The following AVEN variants were observed in gnomAD, a reference collection of about 807,000 sequenced individuals.
AVEN encodes cell death regulator Aven.
AVEN carries 41 observed loss-of-function variants against 38.1 expected under a neutral mutation model. That is an observed-to-expected ratio of 1.08 (90% CI 0.84 to 1.40). The LOEUF (loss-of-function observed/expected upper bound fraction) is 1.40, where lower values mean the gene tolerates loss of function less well. Among genes scored for constraint, AVEN ranks in the 40% most tolerant of loss-of-function variants. The pLI is 0.00. For synonymous variants in AVEN, 206 were observed against 171.8 expected (o/e 1.20, Z -1.56); for missense variants, 605 against 438.8 (o/e 1.38, Z -3.38).
At position 33,997,898 on chromosome 15, in the gene AVEN, G is replaced by A. The variant is rs550269147; in HGVS notation, c.445+5134C>T. Among the ~76,000 whole-genome samples, 3 of 152,228 alleles carry A rather than the reference G, an allele frequency of 2.0e-5. No homozygotes were observed. The South Asian group carries it at 6.2e-4, about 32-fold the overall frequency. ...ATACCTGTTCTCACCTTAAATTTAT[G>A]AATACCAACTTCATGTGGGCCCCTA... On this transcript the variant is annotated intron_variant, in intron 2 of 5. Coordinates refer to ENST00000306730, the MANE Select transcript of AVEN (RefSeq NM_020371.3).
chr15:33,859,332 G>T (rs776544509), intron 11 of AVEN, among the ~76,000 whole-genome samples: 2 of 152,184 alleles, frequency 1.3e-5, no homozygotes, highest in Non-Finnish European at 2.9e-5. Context: ...CACCTTTAAT[G>T]GGCCTAAAAA....
rs1400080002 is a variant in AVEN, at chr15:33,983,198, GTGTATA to G, written c.445+19828_445+19833del. On this transcript the variant is annotated intron_variant, in intron 2 of 5. Coordinates refer to ENST00000306730, the MANE Select transcript of AVEN (RefSeq NM_020371.3). ...TATATACACACGTGTGTGTATGTGTGTGTATATATATATATACATATATATACACAC... is the reference window on the plus strand; with the variant it reads ...TATATACACACGTGTGTGTATGTGTGTATATATATACATATATATACACAC... Among the ~76,000 whole-genome samples the G allele has an allele frequency of 2.9e-3, 133 of 45,316 alleles. 2 individuals carry two copies. The East Asian group carries it at 0.11, about 37-fold the overall frequency. The allele number at this position is 45,316 out of a possible 152,430, so 29.7% of individuals were successfully genotyped here. A position where few individuals can be genotyped will look rare whatever the true frequency, so the allele number is the denominator to read the frequency against.
At chr15:33,948,310 T>G (rs773589487) in intron 2 of AVEN, among the ~76,000 whole-genome samples, 4 of 151,678 alleles carry the variant, frequency 2.6e-5, no homozygotes, top group Non-Finnish European at 5.9e-5. Context: ...TTGGCCAGGC[T>G]GGTCTTGAAC....
chr15:34,057,546 C>T (rs988032198), intron 5 of AVEN, among the ~76,000 whole-genome samples: 24 of 152,316 alleles, frequency 1.6e-4, no homozygotes, highest in African/African-American at 5.1e-4. Context: ...TCATTTAATA[C>T]TTAAAACAAT....
chr15:34,023,241 C>T (rs1389150113), intron 1 of AVEN, among the ~76,000 whole-genome samples: 1 of 152,058 alleles, frequency 6.6e-6, no homozygotes, highest in Non-Finnish European at 1.5e-5. Context: ...ACTCAGGTTG[C>T]TACTCCAGGC....
chr15:33,985,735 A>G (rs2075249789), intron 2 of AVEN, among the ~76,000 whole-genome samples: 1 of 152,140 alleles, frequency 6.6e-6, no homozygotes, highest in Admixed American at 6.5e-5. Flanking sequence ...TAAGCTAGAA[A>G]TCTTGAGTTT....
chr15:33,995,230 C>T (rs925225966), intron 2 of AVEN, among the ~76,000 whole-genome samples: 1 of 152,094 alleles, frequency 6.6e-6, no homozygotes, highest in Admixed American at 6.6e-5. Context: ...TGCCACTGCA[C>T]TCCAGCCTGG....
chr15:34,068,299 C>T (rs1900558398), intron 2 of AVEN, among the ~76,000 whole-genome samples: 1 of 151,658 alleles, frequency 6.6e-6, no homozygotes, highest in Non-Finnish European at 1.5e-5. Flanking sequence ...GCTTCGACCT[C>T]CCAGACTCAA....
upstream of AVEN, among the ~76,000 whole-genome samples, chr15:34,039,471 A>T (rs1256198054): frequency 6.6e-6 from 1 of 152,246 alleles, no homozygotes; most frequent in Non-Finnish European, 1.5e-5. Context: ...ATACATACTA[A>T]AATGTTAGTG....
chr15:33,977,488 C>A (rs1895936395), intron 2 of AVEN, among the ~76,000 whole-genome samples: 1 of 152,156 alleles, frequency 6.6e-6, no homozygotes, highest in South Asian at 2.1e-4. Context: ...TGTTAGGAGG[C>A]TATGACAGCG....
chr15:33,898,786 A>T (rs1892354482), intron 2 of AVEN, among the ~76,000 whole-genome samples: 1 of 152,214 alleles, frequency 6.6e-6, no homozygotes, highest in South Asian at 2.1e-4. Context: ...CTATGAAACA[A>T]GACAAAAACA....
intron 2 of AVEN, among the ~76,000 whole-genome samples, chr15:33,955,632 T>C (rs1894924822): frequency 6.6e-6 from 1 of 152,134 alleles, no homozygotes; most frequent in Non-Finnish European, 1.5e-5. Flanking sequence ...GCAGAAGTCA[T>C]AGGAAGATAA....
At chr15:34,027,892 G>C (rs573234449) in intron 1 of AVEN, among the ~76,000 whole-genome samples, 3 of 152,108 alleles carry the variant, frequency 2.0e-5, no homozygotes, top group Admixed American at 2.0e-4. Context: ...GTTCAAGAGG[G>C]CATTGTAGAA....
downstream of AVEN, chr15:33,854,671 A>C (rs570765033): frequency 4.6e-4 from 675 of 1,478,364 alleles, 5 homozygotes; most frequent in South Asian, 8.7e-3. Context: ...AACCCCCTCT[A>C]TCCTCAGTGT....
At chr15:34,060,932 C>T (rs887398517) in intron 5 of AVEN, among the ~76,000 whole-genome samples, 47 of 151,434 alleles carry the variant, frequency 3.1e-4, no homozygotes, top group South Asian at 1.5e-3. Flanking sequence ...AGGAGAATGG[C>T]GTGAACCCAG....
chr15:33,870,016 G>A (rs1336376353), intron 4 of AVEN, among the ~76,000 whole-genome samples: 1 of 152,002 alleles, frequency 6.6e-6, no homozygotes, highest in East Asian at 1.9e-4. Context: ...ATATCTCAGA[G>A]GCACAAACTC....
chr15:34,011,010 C>T (rs1022826878), intron 1 of AVEN, among the ~76,000 whole-genome samples: 4 of 152,040 alleles, frequency 2.6e-5, no homozygotes, highest in African/African-American at 9.7e-5. Context: ...TTAAAGAATT[C>T]AATGACAGTT....
intron 5 of AVEN, among the ~76,000 whole-genome samples, chr15:34,060,453 T>G (rs773128084): frequency 1.4e-4 from 21 of 152,190 alleles, no homozygotes; most frequent in Non-Finnish European, 2.6e-4. Flanking sequence ...CCAAGAAAAC[T>G]GTAGCCCTTT....
intron 2 of AVEN, among the ~76,000 whole-genome samples, chr15:33,980,056 T>C (rs1229489591): frequency 6.6e-6 from 1 of 152,226 alleles, no homozygotes; most frequent in East Asian, 1.9e-4. Context: ...AGGGAGAAGA[T>C]TTAAGACATC....
Sources: allele counts gnomAD v4.1 joint callset (sites outside exome capture counted in the v4.1 genomes callset), GRCh38; gene constraint gnomAD v4.1.1; transcripts MANE v1.5; gene names NCBI Gene and HGNC (gene_info 2026-07-23, HGNC 2026-07-21).